Variants in STK11 observed in about 807,000 individuals in gnomAD.
STK11 encodes the protein serine/threonine-protein kinase STK11.
In STK11, 8 loss-of-function variants were observed where a neutral mutation model predicts 47.3. That is an observed-to-expected ratio of 0.17 (90% CI 0.10 to 0.31). The LOEUF is 0.31. Ranked by LOEUF, STK11 falls within the 10% of genes least tolerant of loss-of-function variation. The pLI is 1.00. For synonymous variants in STK11, 330 were observed against 255.8 expected (o/e 1.29, Z -2.77); for missense variants, 475 against 605.0 (o/e 0.79, Z 2.25).
At position 1,206,801 on chromosome 19, in the gene STK11, TTTTTTTC is replaced by T. The variant is rs1430123512; in HGVS notation, c.-102_-96del. 1.3e-5 allele frequency: 18 copies of T among 1,360,254 alleles called. No homozygotes were observed. The highest frequency in any genetic ancestry group is 5.0e-5 in the East Asian group (2 of 39,734). 84.3% of individuals were successfully genotyped at this position (1,360,254 alleles called of 1,614,324 possible). On this transcript the variant is annotated 5_prime_UTR_variant, in exon 1 of 10. Transcript: ENST00000326873. ...TCCTTTTGGGGTTTTTGTTGCCTTT[TTTTTTTC>T]TTTTTTCTTTGTAAAATTTTGGAGA...
chr19:1,219,026 G>T lies in STK11; in HGVS notation c.375-298G>T, dbSNP rs914497687. On this transcript the variant is annotated intron_variant, in intron 2 of 9. Transcript: ENST00000326873. The stretch of plus-strand genomic sequence containing the variant: ...GTCCTGCATGGGCCCGAGCCTGCTT[G>T]GGGGGGCGTCCAGGAGGCACCATCC... 4.6e-5 allele frequency among the ~76,000 whole-genome samples: 7 copies of T among 152,072 alleles called. No homozygotes were observed. In the South Asian group the frequency reaches 1.2e-3, roughly 27 times the overall value.
chr19:1,226,418 C>A, intron 8 of STK11, 36 bp from the exon 9 acceptor site: 2 of 1,598,518 alleles, frequency 1.3e-6, no homozygotes, highest in Non-Finnish European at 8.5e-7. Flanking sequence ...GGGTTGCGCC[C>A]CTCAGCTCAG....
At chr19:1,219,560 T>G (rs2080768144) in intron 3 of STK11, 147 bp downstream of exon 3, 4 of 844,496 alleles carry the variant, frequency 4.7e-6, no homozygotes, top group Non-Finnish European at 7.2e-6. Context: ...TTGTGTTTTT[T>G]TTCGAGATGG....
chr19:1,219,990 C>A, intron 3 of STK11: 1 of 216,168 alleles, frequency 4.6e-6, no homozygotes, highest in Non-Finnish European at 9.3e-6. Context: ...TCGCTGGCAG[C>A]CGCCTGCCCT....
In STK11 at chr19:1,227,857, C is replaced by T. The variant is rs1238054417; in HGVS notation, c.*281C>T. 7.5e-6 allele frequency: 8 copies of T among 1,069,868 alleles called. No individual in the cohort carries two copies. Among genetic ancestry groups the T allele is most frequent in the African/African-American group, 1.6e-5 (1 of 61,016 alleles). The allele number at this position is 1,069,868 out of a possible 1,614,324, so 66.3% of individuals were successfully genotyped here. On this transcript the variant is annotated 3_prime_UTR_variant, in exon 10 of 10. Transcript: ENST00000326873. ...GCGGGCGTGGGAGGAGGGAGGCGGCCTCCATGCACTTTATGTGGAGACTAC... is the reference window on the plus strand; with the variant it reads ...GCGGGCGTGGGAGGAGGGAGGCGGCTTCCATGCACTTTATGTGGAGACTAC...
At chr19:1,221,062 G>T in intron 5 of STK11, 151 bp from the exon 6 acceptor site, 1 of 1,171,514 alleles carries the variant, frequency 8.5e-7, no homozygotes, top group Non-Finnish European at 1.2e-6. Flanking sequence ...CTCCACTAGT[G>T]GAAGGTGGTG....
chr19:1,211,974 C>A (rs2080714282), intron 1 of STK11, among the ~76,000 whole-genome samples: 1 of 152,232 alleles, frequency 6.6e-6, no homozygotes, highest in African/African-American at 2.4e-5. Context: ...TGGGTGTCCT[C>A]GAGGCCTCTG....
chr19:1,224,096 C>T (rs1264510638), intron 8 of STK11: 1 of 994,578 alleles, frequency 1.0e-6, no homozygotes, highest in East Asian at 9.1e-5. Context: ...CTCAGCACTC[C>T]TGGGCCCCTC....
chr19:1,222,276 G>C (rs1402783047), intron 7 of STK11, among the ~76,000 whole-genome samples: 1 of 152,254 alleles, frequency 6.6e-6, no homozygotes, highest in Non-Finnish European at 1.5e-5. Context: ...GCCAGGAAGG[G>C]CACAGCTGGT....
rs2080836128 is a variant in STK11 at position 1,227,718 on chromosome 19, G to T, written c.*142G>T. 3 of 1,070,866 alleles carry T rather than the reference G, an allele frequency of 2.8e-6. No homozygotes were observed. Among genetic ancestry groups the T allele is most frequent in the Non-Finnish European group, 1.1e-6 (1 of 882,742 alleles). The allele number at this position is 1,070,866 out of a possible 1,614,324, so 66.3% of individuals were successfully genotyped here. Reference sequence around the variant, plus strand: ...GACCACGCCCCAGGACCTCCGGAGCGCCCTGCAGGGCCGGGCAGGGGGACA... The same window carrying T: ...GACCACGCCCCAGGACCTCCGGAGCTCCCTGCAGGGCCGGGCAGGGGGACA... On this transcript the variant is annotated 3_prime_UTR_variant, in exon 10 of 10. Coordinates refer to ENST00000326873, the MANE Select transcript of STK11 (RefSeq NM_000455.5).
In STK11 at chr19:1,224,330, G is replaced by A. The variant is rs532599469; in HGVS notation, c.1108+1158G>A. 120 of 985,386 alleles carry A rather than the reference G, an allele frequency of 1.2e-4. 2 individuals carry two copies. In the African/African-American group the frequency reaches 2.0e-3, roughly 16 times the overall value. The allele number at this position is 985,386 out of a possible 1,614,324, so 61.0% of individuals were successfully genotyped here. A position where few individuals can be genotyped will look rare whatever the true frequency, so the allele number is the denominator to read the frequency against. On this transcript the variant is annotated intron_variant, in intron 8 of 9. Coordinates refer to ENST00000326873, the MANE Select transcript of STK11 (RefSeq NM_000455.5). Reference sequence around the variant, plus strand: ...TTGGATTTGCAGCACCACGACCATCGCGTCTGGTCTGTTGGAACGGGAGGT... The same window carrying A: ...TTGGATTTGCAGCACCACGACCATCACGTCTGGTCTGTTGGAACGGGAGGT...
chr19:1,227,209 G>C (rs542367125), intron 9 of STK11: 4 of 160,822 alleles, frequency 2.5e-5, no homozygotes, highest in African/African-American at 9.6e-5. Flanking sequence ...CCCCGGGTGG[G>C]AGACGGAGTC....
In STK11 at chr19:1,223,040, C is replaced by A. The variant is rs771632414; in HGVS notation, c.976C>A (p.Pro326Thr). The A allele has an allele frequency of 3.8e-6, 6 of 1,598,064 alleles. No individual in the cohort carries two copies. Among genetic ancestry groups the A allele is most frequent in the Non-Finnish European group, 5.1e-6 (6 of 1,173,256 alleles). ...AEAPVPIPPS[P>T]DTKDRWRSMT... is the part of the protein sequence containing the mutation. ...AGCACCAGTGCCCATCCCACCGAGC[C>A]CAGACACCAAGGACCGGTGGCGCAG... Residue 326 changes from proline to threonine, a missense_variant, in exon 8 of 10, where the codon CCA (proline) becomes ACA (threonine). Coordinates refer to ENST00000326873, the MANE Select transcript of STK11 (RefSeq NM_000455.5).
In STK11 at chr19:1,220,474, C is replaced by T. The variant is rs587781515; in HGVS notation, c.566C>T (p.Thr189Ile). The change falls in exon 4 of 10, where the codon ACC becomes ATC. Residue 189 changes from threonine (T) to isoleucine (I), a missense_variant. Coordinates refer to ENST00000326873, the MANE Select transcript of STK11 (RefSeq NM_000455.5). ...AACCTGCTGCTCACCACCGGTGGCA[C>T]CCTCAAAATCTCCGACCTGGGCGTG... ...PGNLLLTTGG[T>I]LKISDLGVAE... The T allele has an allele frequency of 4.4e-5, 70 of 1,606,962 alleles. No individual in the cohort carries two copies. Among genetic ancestry groups the T allele is most frequent in the East Asian group, 1.6e-4 (7 of 44,668 alleles).
chr19:1,209,266 GTC>G (rs1301136307), intron 1 of STK11, among the ~76,000 whole-genome samples: 5 of 152,058 alleles, frequency 3.3e-5, no homozygotes, highest in Admixed American at 3.3e-4. Flanking sequence ...GCCAGTGACA[GTC>G]TCTCTCCCAG....
intron 5 of STK11, 27 bp downstream of exon 5, chr19:1,220,744 C>T (rs2145425673): frequency 6.3e-7 from 1 of 1,592,374 alleles, no homozygotes; most frequent in Non-Finnish European, 8.6e-7. Flanking sequence ...CCCGGGCACT[C>T]ACCACACGCA....
intron 1 of STK11, among the ~76,000 whole-genome samples, chr19:1,212,758 A>T (rs1242511017): frequency 6.6e-6 from 1 of 151,514 alleles, no homozygotes; most frequent in Non-Finnish European, 1.5e-5. Context: ...GTTAGCCAGT[A>T]TGGTCTCGAT....
At chr19:1,220,766 G>T (rs371812003) in intron 5 of STK11, 49 bp downstream of exon 5, 1 of 1,557,326 alleles carries the variant, frequency 6.4e-7, no homozygotes, top group Non-Finnish European at 8.7e-7. Context: ...ACTCCGAGGG[G>T]CCTCTGCGTC....
intron 9 of STK11, 142 bp downstream of exon 9, chr19:1,226,805 G>C: frequency 9.3e-7 from 1 of 1,074,816 alleles, no homozygotes; most frequent in East Asian, 2.9e-5. Flanking sequence ...TGGGTGGCTT[G>C]GCCACGTAGC....
Sources: allele counts gnomAD v4.1 joint callset (sites outside exome capture counted in the v4.1 genomes callset), GRCh38; gene constraint gnomAD v4.1.1; transcripts MANE v1.5; gene names NCBI Gene and HGNC (gene_info 2026-07-23, HGNC 2026-07-21).